Variants in TFDP2 observed in about 807,000 individuals in gnomAD.
TFDP2 encodes the protein transcription factor Dp-2 (E2F dimerization partner 2).
TFDP2 carries 17 observed loss-of-function variants against 59.3 expected under a neutral mutation model. The observed-to-expected ratio is 0.29, with a 90% CI of 0.20 to 0.43. The LOEUF (loss-of-function observed/expected upper bound fraction) is 0.43, where lower values mean the gene tolerates loss of function less well. Among genes scored for constraint, TFDP2 ranks in the 20% least tolerant of loss-of-function variants. The pLI, the probability that TFDP2 is intolerant of heterozygous loss-of-function variation, is 1.00. For synonymous variants in TFDP2, 180 were observed against 194.7 expected (o/e 0.92, Z 0.63); for missense variants, 391 against 528.8 (o/e 0.74, Z 2.56).
intron 3 of TFDP2, among the ~76,000 whole-genome samples, chr3:142,051,807 A>G (rs145484395): frequency 0.015 from 2,220 of 152,216 alleles, 42 homozygotes; most frequent in Non-Finnish European, 0.016. Flanking sequence ...CTTTCCTCTC[A>G]TTCCATATAT....
chr3:142,022,878 T>C (rs901030327), intron 3 of TFDP2, among the ~76,000 whole-genome samples: 2 of 152,028 alleles, frequency 1.3e-5, no homozygotes, highest in African/African-American at 4.8e-5. Context: ...TCCCAGCACT[T>C]TGGGAGGCCA....
intron 1 of TFDP2, among the ~76,000 whole-genome samples, chr3:142,108,621 T>A (rs1255249296): frequency 6.6e-5 from 10 of 152,334 alleles, no homozygotes; most frequent in Non-Finnish European, 1.3e-4. Context: ...ACAGTATTCC[T>A]TTACATCGTT....
At chr3:142,044,596 C>A (rs149820642) in intron 3 of TFDP2, among the ~76,000 whole-genome samples, 1 of 151,944 alleles carries the variant, frequency 6.6e-6, no homozygotes, top group African/African-American at 2.4e-5. Context: ...GTCTCGAACT[C>A]TTGACCTCAA....
intron 3 of TFDP2, among the ~76,000 whole-genome samples, chr3:142,045,154 C>CCTT (rs1947265631): frequency 7.3e-6 from 1 of 137,786 alleles, no homozygotes; most frequent in Non-Finnish European, 1.6e-5. Context: ...AATCTCTTTC[C>CCTT]TTTTTTTTTT....
At chr3:141,987,970 T>C (rs2108134879) in intron 6 of TFDP2, among the ~76,000 whole-genome samples, 1 of 141,972 alleles carries the variant, frequency 7.0e-6, no homozygotes, top group Admixed American at 6.9e-5. Flanking sequence ...GAAAATGACA[T>C]TCTTCTCATT....
intron 2 of TFDP2, among the ~76,000 whole-genome samples, chr3:142,100,829 A>G (rs1434921039): frequency 6.6e-6 from 1 of 152,206 alleles, no homozygotes; most frequent in Non-Finnish European, 1.5e-5. Context: ...GCAGGTACAC[A>G]GTAACAAGCT....
At chr3:142,026,465 A>G (rs1946104548) in intron 3 of TFDP2, among the ~76,000 whole-genome samples, 1 of 152,184 alleles carries the variant, frequency 6.6e-6, no homozygotes, top group Non-Finnish European at 1.5e-5. Flanking sequence ...TATTTAGAAA[A>G]CTGTATAATA....
chr3:142,135,872 C>T (rs1365328967), intron 1 of TFDP2, among the ~76,000 whole-genome samples: 4 of 152,018 alleles, frequency 2.6e-5, no homozygotes, highest in African/African-American at 4.8e-5. Flanking sequence ...CACACATGTG[C>T]ATGTGTCTTT....
At chr3:142,043,022 G>A (rs546405619) in intron 3 of TFDP2, among the ~76,000 whole-genome samples, 1 of 151,124 alleles carries the variant, frequency 6.6e-6, no homozygotes. Context: ...GATTACAGGC[G>A]TGAGCCACCG....
chr3:142,098,594 G>A (rs1397763), intron 2 of TFDP2, among the ~76,000 whole-genome samples: 135,358 of 152,004 alleles, frequency 0.89, 60,525 homozygotes, highest in African/African-American at 0.97. Flanking sequence ...AAACTTCTCC[G>A]TAGATTTTGA....
At chr3:142,114,847 A>T (rs139572388) in intron 1 of TFDP2, among the ~76,000 whole-genome samples, 11 of 152,304 alleles carry the variant, frequency 7.2e-5, no homozygotes, top group African/African-American at 2.6e-4. Flanking sequence ...GTACATGTAT[A>T]TGCATAGATG....
chr3:142,010,127 T>G (rs1216930924), intron 3 of TFDP2, among the ~76,000 whole-genome samples: 1 of 152,188 alleles, frequency 6.6e-6, no homozygotes, highest in Non-Finnish European at 1.5e-5. Flanking sequence ...AAGACAAATG[T>G]CAGGCTGGTA....
intron 11 of TFDP2, among the ~76,000 whole-genome samples, chr3:141,957,403 TG>T (rs982526831): frequency 6.6e-6 from 1 of 152,200 alleles, no homozygotes; most frequent in Non-Finnish European, 1.5e-5. Flanking sequence ...GAAAACAGTT[TG>T]GTATTTCCTT....
At chr3:142,085,586 T>C (rs1274322794) in intron 3 of TFDP2, among the ~76,000 whole-genome samples, 1 of 152,194 alleles carries the variant, frequency 6.6e-6, no homozygotes, top group Non-Finnish European at 1.5e-5. Flanking sequence ...TTAATGAGCA[T>C]TTATTACTCT....
At chr3:142,080,185 G>A (rs986390385) in intron 3 of TFDP2, among the ~76,000 whole-genome samples, 21 of 152,102 alleles carry the variant, frequency 1.4e-4, no homozygotes, top group Middle Eastern at 3.4e-3. Context: ...GGCTGGTCGC[G>A]AACTCTTGAA....
intron 3 of TFDP2, among the ~76,000 whole-genome samples, chr3:142,076,645 G>A (rs2060468001): frequency 6.6e-6 from 1 of 152,180 alleles, no homozygotes; most frequent in South Asian, 2.1e-4. Flanking sequence ...ATTTTTAAGT[G>A]TTAATGAAGT....
At chr3:142,040,255 A>T (rs1002403989) in intron 3 of TFDP2, among the ~76,000 whole-genome samples, 7 of 152,178 alleles carry the variant, frequency 4.6e-5, no homozygotes, top group Admixed American at 2.6e-4. Context: ...CTCATCATTA[A>T]ACTGGAAGAA....
chr3:141,969,165 C>CAT lies in TFDP2; in HGVS notation c.732+906_732+907dup, dbSNP rs765506404. Reference sequence around the variant, plus strand: ...CCATATATATGAGATATATATATAACATATATATATATCTCATATATATGA... The same window carrying CAT: ...CCATATATATGAGATATATATATAACATATATATATATATCTCATATATATGA... On this transcript the variant is annotated intron_variant, in intron 9 of 12. Transcript: ENST00000489671. Among the ~76,000 whole-genome samples, 24 of 41,166 alleles carry CAT rather than the reference C, an allele frequency of 5.8e-4. 3 individuals are homozygous for CAT. Among genetic ancestry groups the CAT allele is most frequent in the Non-Finnish European group, 8.7e-4 (21 of 24,064 alleles). 27.0% of individuals were successfully genotyped at this position (41,166 alleles called of 152,430 possible).
intron 10 of TFDP2, among the ~76,000 whole-genome samples, chr3:141,962,484 T>C (rs1432657682): frequency 6.6e-6 from 1 of 152,044 alleles, no homozygotes; most frequent in Non-Finnish European, 1.5e-5. Flanking sequence ...TTGGCCTCCC[T>C]AGTAGCTGGG....
Sources: gnomAD v4.1 joint callset for allele counts (sites outside exome capture counted in the v4.1 genomes callset) on GRCh38, gnomAD v4.1.1 for gene constraint, MANE v1.5 for transcripts, NCBI Gene and HGNC (gene_info 2026-07-23, HGNC 2026-07-21) for gene names.